The following ANO3 variants were observed in gnomAD, a reference collection of about 807,000 sequenced individuals.
ANO3 encodes the protein anoctamin 3, also known as anoctamin-3.
A neutral mutation model predicts 144.8 loss-of-function variants in ANO3; 99 were observed. The observed-to-expected ratio is 0.68, with a 90% CI of 0.58 to 0.81. The LOEUF (loss-of-function observed/expected upper bound fraction) is 0.81, where lower values mean the gene tolerates loss of function less well. Ranked by LOEUF, ANO3 falls within the 30% of genes least tolerant of loss-of-function variation. ANO3 has a pLI of 0.00. For missense variants in ANO3, 905 were observed against 1,202.2 expected (o/e 0.75, Z 3.66); for synonymous variants, 414 against 392.6 (o/e 1.05, Z -0.64).
chr11:26,351,205 A>G (rs945911369), intron 1 of ANO3, among the ~76,000 whole-genome samples: 4 of 152,040 alleles, frequency 2.6e-5, no homozygotes, highest in Non-Finnish European at 5.9e-5. Flanking sequence ...ATGGTCTTCT[A>G]TATCAATAAT....
chr11:26,355,616 A>G (rs1400053340), intron 1 of ANO3, among the ~76,000 whole-genome samples: 1 of 150,708 alleles, frequency 6.6e-6, no homozygotes, highest in Non-Finnish European at 1.5e-5. Flanking sequence ...ATGGAGTGCA[A>G]TAGCATGATC....
intron 23 of ANO3, among the ~76,000 whole-genome samples, chr11:26,647,394 G>A (rs1402800893): frequency 6.6e-6 from 1 of 152,156 alleles, no homozygotes. Context: ...TATTGCCTCA[G>A]CAAGTTCTGT....
intron 10 of ANO3, 39 bp from the exon 11 acceptor site, chr11:26,541,908 A>G: frequency 6.3e-7 from 1 of 1,577,460 alleles, no homozygotes; most frequent in Non-Finnish European, 8.6e-7. Context: ...AATTTCACTA[A>G]AAAATAGAAC....
intron 1 of ANO3, among the ~76,000 whole-genome samples, chr11:26,236,980 A>G (rs1447806393): frequency 6.6e-6 from 1 of 152,104 alleles, no homozygotes; most frequent in East Asian, 1.9e-4. Context: ...AGTTATCTGT[A>G]AGTTTCAACT....
At chr11:26,259,782 T>C (rs928610947) in intron 1 of ANO3, among the ~76,000 whole-genome samples, 1 of 152,130 alleles carries the variant, frequency 6.6e-6, no homozygotes, top group Middle Eastern at 3.2e-3. Context: ...CTTCTGACCA[T>C]TGCCTCTTGG....
intron 1 of ANO3, among the ~76,000 whole-genome samples, chr11:26,201,372 T>A (rs1851689340): frequency 6.6e-6 from 1 of 152,122 alleles, no homozygotes; most frequent in Non-Finnish European, 1.5e-5. Context: ...AACCAAGAAT[T>A]CATTTTATCA....
intron 1 of ANO3, among the ~76,000 whole-genome samples, chr11:26,333,343 G>A (rs374680199): frequency 1.1e-3 from 170 of 150,390 alleles, no homozygotes; most frequent in African/African-American, 3.2e-3. Context: ...GTGCAGTGGC[G>A]CGATCTCGGC....
intron 8 of ANO3, among the ~76,000 whole-genome samples, chr11:26,532,585 C>G (rs993818548): frequency 1.3e-5 from 2 of 152,076 alleles, no homozygotes; most frequent in African/African-American, 4.8e-5. Context: ...ATCACCCCAT[C>G]TTCTGCATTT....
chr11:26,524,616 C>T (rs1406132246), intron 6 of ANO3, among the ~76,000 whole-genome samples: 3 of 152,070 alleles, frequency 2.0e-5, no homozygotes, highest in Admixed American at 2.0e-4. Flanking sequence ...TTCCTGAGCT[C>T]CAACATGAGC....
chr11:26,611,936 T>C (rs1338419149), intron 17 of ANO3, among the ~76,000 whole-genome samples: 1 of 152,156 alleles, frequency 6.6e-6, no homozygotes, highest in Non-Finnish European at 1.5e-5. Context: ...CTGCTCACTT[T>C]TGGTTTGCAT....
At chr11:26,319,777 ATTTAT>A (rs929777422) in intron 1 of ANO3, among the ~76,000 whole-genome samples, 3 of 151,678 alleles carry the variant, frequency 2.0e-5, no homozygotes, top group Admixed American at 2.0e-4. Flanking sequence ...TTACCACCTT[ATTTAT>A]TTATTTTTTA....
chr11:26,331,221 T>C (rs890604684), upstream of ANO3, among the ~76,000 whole-genome samples: 5 of 152,184 alleles, frequency 3.3e-5, no homozygotes, highest in African/African-American at 1.2e-4. Flanking sequence ...AGCTAATGGC[T>C]GCTGGGCTCA....
At chr11:26,561,263 A>T in intron 14 of ANO3, 1 of 1,479,814 alleles carries the variant, frequency 6.8e-7, no homozygotes, top group Non-Finnish European at 9.1e-7. Flanking sequence ...TCACAGTGAT[A>T]CTCTGAAAGA....
At chr11:26,442,178 C>A in intron 2 of ANO3, 66 bp downstream of exon 2, 1 of 1,497,038 alleles carries the variant, frequency 6.7e-7, no homozygotes. Flanking sequence ...ACACTCCTTT[C>A]CTTCCTTTTT....
At chr11:26,257,557 T>C (rs932867716) in intron 1 of ANO3, among the ~76,000 whole-genome samples, 1 of 152,140 alleles carries the variant, frequency 6.6e-6, no homozygotes, top group Non-Finnish European at 1.5e-5. Flanking sequence ...ATTCACGTTA[T>C]GGAGTCAGCA....
intron 1 of ANO3, among the ~76,000 whole-genome samples, chr11:26,312,660 T>C (rs2133871830): frequency 6.6e-6 from 1 of 152,370 alleles, no homozygotes; most frequent in South Asian, 2.1e-4. Flanking sequence ...GAAGTGTCTG[T>C]TCATATCATT....
intron 6 of ANO3, among the ~76,000 whole-genome samples, chr11:26,522,284 AAAT>A (rs1289502515): frequency 2.0e-5 from 3 of 152,182 alleles, no homozygotes; most frequent in Admixed American, 2.0e-4. Flanking sequence ...TTTTATGCAA[AAAT>A]AATATGAAAT....
intron 1 of ANO3, among the ~76,000 whole-genome samples, chr11:26,316,208 C>A (rs913016012): frequency 6.6e-6 from 1 of 152,150 alleles, no homozygotes; most frequent in African/African-American, 2.4e-5. Context: ...AAAAGACACA[C>A]ACAAGATAGT....
chr11:26,541,812 C>A, intron 10 of ANO3, 135 bp from the exon 11 acceptor site: 2 of 688,748 alleles, frequency 2.9e-6, no homozygotes, highest in African/African-American at 1.8e-5. Flanking sequence ...ATCATTCCAG[C>A]GATGGGCTTA....
Sources: gnomAD v4.1 joint callset for allele counts (sites outside exome capture counted in the v4.1 genomes callset) on GRCh38, gnomAD v4.1.1 for gene constraint, MANE v1.5 for transcripts, NCBI Gene and HGNC (gene_info 2026-07-23, HGNC 2026-07-21) for gene names.